CALN1: variants seen among roughly 807,000 people sequenced by gnomAD.
CALN1 encodes calcium-binding protein 8.
Under a neutral mutation model 30.6 loss-of-function variants are expected in CALN1, and 17 were observed. The observed-to-expected ratio is 0.56, with a 90% CI of 0.38 to 0.83. The LOEUF (loss-of-function observed/expected upper bound fraction) is 0.83, where lower values mean the gene tolerates loss of function less well. Ranked by LOEUF, CALN1 falls within the 40% of genes least tolerant of loss-of-function variation. The pLI is 0.00. For synonymous variants in CALN1, 156 were observed against 131.4 expected, an observed-to-expected ratio of 1.19 and a Z score of -1.28; for missense variants, 291 against 354.9, an observed-to-expected ratio of 0.82 and a Z score of 1.45.
chr7:72,246,905 C>T (rs955743867), intron 3 of CALN1, among the ~76,000 whole-genome samples: 3 of 152,096 alleles, frequency 2.0e-5, no homozygotes, highest in Non-Finnish European at 4.4e-5. Context: ...CAGGCATGCG[C>T]CACCATGCCC....
At chr7:72,453,993 A>AAAAAATATAT in the CALN1 span, among the ~76,000 whole-genome samples, 3 of 148,138 alleles carry the variant, frequency 2.0e-5, no homozygotes, top group African/African-American at 7.5e-5. Flanking sequence ...ACAACCAAAA[A>AAAAAATATAT]ATATATATAT....
intron 5 of CALN1, among the ~76,000 whole-genome samples, chr7:71,864,282 T>C (rs1791465104): frequency 6.6e-6 from 1 of 152,162 alleles, no homozygotes; most frequent in Non-Finnish European, 1.5e-5. Context: ...TTTGAGTTGA[T>C]GGAAATGGAT....
At chr7:71,822,851 G>A (rs1239694204) in intron 5 of CALN1, among the ~76,000 whole-genome samples, 1 of 152,120 alleles carries the variant, frequency 6.6e-6, no homozygotes, top group African/African-American at 2.4e-5. Flanking sequence ...AGTATTTGGA[G>A]TCTGCATTTA....
intron 2 of CALN1, among the ~76,000 whole-genome samples, chr7:72,398,500 G>A (rs1213121099): frequency 6.6e-6 from 1 of 152,176 alleles, no homozygotes; most frequent in Non-Finnish European, 1.5e-5. Flanking sequence ...CTCCCCACAT[G>A]AATAAAAAAG....
At chr7:72,387,922 T>C (rs1021016076) in intron 2 of CALN1, among the ~76,000 whole-genome samples, 1 of 152,162 alleles carries the variant, frequency 6.6e-6, no homozygotes, top group Non-Finnish European at 1.5e-5. Context: ...CTGGTTGGTA[T>C]AGTCACAGTG....
intron 1 of CALN1, among the ~76,000 whole-genome samples, chr7:72,429,723 T>TTA (rs1172668700): frequency 2.7e-5 from 4 of 147,736 alleles, no homozygotes; most frequent in South Asian, 2.1e-4. Context: ...TTATATGTAA[T>TTA]TATATATATG....
chr7:71,999,162 A>C (rs1045743361), intron 5 of CALN1, among the ~76,000 whole-genome samples: 1 of 152,222 alleles, frequency 6.6e-6, no homozygotes, highest in Non-Finnish European at 1.5e-5. Context: ...TAATTTTAAG[A>C]AGCAGCAGTG....
intron 6 of CALN1, among the ~76,000 whole-genome samples, chr7:71,801,428 GTATCTATCTATCTATC>G (rs58500083): frequency 1.8e-4 from 16 of 87,728 alleles, no homozygotes; most frequent in East Asian, 7.1e-4. Flanking sequence ...ATGTATGTAT[GTATCTATCTATCTATC>G]TATCTATCTA....
At chr7:72,388,681 A>C (rs1004902958) in intron 2 of CALN1, among the ~76,000 whole-genome samples, 3 of 152,182 alleles carry the variant, frequency 2.0e-5, no homozygotes, top group African/African-American at 7.2e-5. Context: ...CCCTCTCCCT[A>C]AAAGATGGCC....
At chr7:71,906,807 G>A (rs536615533) in intron 5 of CALN1, among the ~76,000 whole-genome samples, 1 of 152,306 alleles carries the variant, frequency 6.6e-6, no homozygotes, top group Admixed American at 6.5e-5. Flanking sequence ...AACAGAAAGC[G>A]AGGAGTAAGA....
At chr7:72,164,742 T>C (rs1324158214) in intron 3 of CALN1, among the ~76,000 whole-genome samples, 3 of 152,188 alleles carry the variant, frequency 2.0e-5, no homozygotes, top group Non-Finnish European at 4.4e-5. Flanking sequence ...AGTGGCATGA[T>C]CATGGTTCAT....
intron 2 of CALN1, among the ~76,000 whole-genome samples, chr7:72,341,921 AG>A (rs1304624905): frequency 4.6e-5 from 7 of 152,142 alleles, no homozygotes; most frequent in Non-Finnish European, 1.0e-4. Context: ...AAAAAAATCA[AG>A]GATCTCTTGC....
intron 3 of CALN1, among the ~76,000 whole-genome samples, chr7:72,115,418 A>G (rs1807907466): frequency 6.7e-6 from 1 of 149,408 alleles, no homozygotes; most frequent in African/African-American, 2.5e-5. Flanking sequence ...CAAAAATATA[A>G]TTTACCATCT....
chr7:72,407,821 G>A (rs561410132), intron 1 of CALN1, among the ~76,000 whole-genome samples: 9 of 152,150 alleles, frequency 5.9e-5, no homozygotes, highest in Non-Finnish European at 1.3e-4. Flanking sequence ...CCGGATGGAG[G>A]TGGGATGTGT....
chr7:72,278,877 A>G, intron 2 of CALN1, 67 bp from the exon 3 acceptor site: 3 of 1,564,532 alleles, frequency 1.9e-6, no homozygotes, highest in Non-Finnish European at 2.6e-6. Flanking sequence ...TTCCTTTCTT[A>G]AAGGACCATC....
intron 3 of CALN1, among the ~76,000 whole-genome samples, chr7:72,158,400 C>G (rs964612547): frequency 1.3e-5 from 2 of 152,182 alleles, no homozygotes; most frequent in African/African-American, 4.8e-5. Context: ...TGAGGCAGAT[C>G]ATATTGAATG....
chr7:71,851,545 C>T (rs1404339036), intron 5 of CALN1, among the ~76,000 whole-genome samples: 1 of 151,050 alleles, frequency 6.6e-6, no homozygotes, highest in Non-Finnish European at 1.5e-5. Context: ...TATATATATA[C>T]ATATATATAT....
chr7:71,898,303 T>C (rs1222779478), intron 5 of CALN1, among the ~76,000 whole-genome samples: 2 of 151,936 alleles, frequency 1.3e-5, no homozygotes, highest in Non-Finnish European at 2.9e-5. Flanking sequence ...GCACTCCAGC[T>C]TGGGCAACAG....
chr7:71,947,903 C>T lies in CALN1; in HGVS notation c.501+75754G>A, dbSNP rs538854453. On this transcript the variant is annotated intron_variant, in intron 5 of 6. Coordinates refer to ENST00000395275, the MANE Select transcript of CALN1 (RefSeq NM_031468.4). ...TGCAGTGAGCTAGTTGCACTGCACT[C>T]CAGCCTGGGCGACAGAGCAAGACTC... 8.0e-4 allele frequency among the ~76,000 whole-genome samples: 118 copies of T among 146,852 alleles called. No homozygotes were observed. The Middle Eastern group carries it at 0.014, about 18-fold the overall frequency.
Sources: allele counts gnomAD v4.1 joint callset (sites outside exome capture counted in the v4.1 genomes callset), GRCh38; gene constraint gnomAD v4.1.1; transcripts MANE v1.5; gene names NCBI Gene and HGNC (gene_info 2026-07-23, HGNC 2026-07-21).